NME7: variants seen among roughly 807,000 people sequenced by gnomAD.
The protein encoded by NME7 is nucleoside diphosphate kinase 7.
A neutral mutation model predicts 49.1 loss-of-function variants in NME7; 41 were observed. The ratio of observed to expected loss-of-function variants is 0.83; its 90% CI spans 0.65 to 1.08. The LOEUF (loss-of-function observed/expected upper bound fraction) is 1.08. Among genes scored for constraint, NME7 ranks in the 50% least tolerant of loss-of-function variants. The pLI, the probability that NME7 is intolerant of heterozygous loss-of-function variation, is 0.00. For synonymous variants in NME7, 139 were observed against 150.6 expected, an observed-to-expected ratio of 0.92 and a Z score of 0.56; for missense variants, 423 against 463.4, an observed-to-expected ratio of 0.91 and a Z score of 0.80.
intron 7 of NME7, among the ~76,000 whole-genome samples, chr1:169,239,976 A>T (rs1426890812): frequency 1.3e-5 from 2 of 151,994 alleles, no homozygotes; most frequent in Non-Finnish European, 2.9e-5. Flanking sequence ...AGAAGTTCTC[A>T]AACATTTTGG....
chr1:169,289,229 T>C (rs1650400097), intron 6 of NME7, among the ~76,000 whole-genome samples: 1 of 152,140 alleles, frequency 6.6e-6, no homozygotes, highest in Non-Finnish European at 1.5e-5. Context: ...CTTTCATTAC[T>C]TGCCTTTCTT....
At chr1:169,276,939 T>C (rs34581963) in intron 7 of NME7, among the ~76,000 whole-genome samples, 37,107 of 143,172 alleles carry the variant, frequency 0.26, 6,319 homozygotes, top group Non-Finnish European at 0.36. Context: ...CTTCATTTCG[T>C]TATGTACCCA....
chr1:169,148,918 C>T (rs1489454894), intron 11 of NME7, among the ~76,000 whole-genome samples: 1 of 152,200 alleles, frequency 6.6e-6, no homozygotes, highest in African/African-American at 2.4e-5. Context: ...GGCATCTTTT[C>T]TCAGTTTTCT....
At chr1:169,320,402 G>T (rs1440646455) in intron 3 of NME7, among the ~76,000 whole-genome samples, 1 of 152,218 alleles carries the variant, frequency 6.6e-6, no homozygotes, top group Middle Eastern at 3.4e-3. Flanking sequence ...TAGCTGATAG[G>T]CTCCATGGGG....
At chr1:169,169,239 G>A (rs1047454964) in intron 11 of NME7, among the ~76,000 whole-genome samples, 6 of 152,058 alleles carry the variant, frequency 3.9e-5, no homozygotes, top group Non-Finnish European at 8.8e-5. Flanking sequence ...ATAACATTAG[G>A]AGAAATACCT....
intron 1 of NME7, among the ~76,000 whole-genome samples, chr1:169,341,721 G>A (rs542845033): frequency 1.1e-4 from 17 of 152,282 alleles, no homozygotes; most frequent in Admixed American, 9.2e-4. Context: ...CATGCCCTGG[G>A]TGTGAGACAT....
intron 10 of NME7, among the ~76,000 whole-genome samples, chr1:169,225,059 A>T (rs748774910): frequency 9.2e-5 from 14 of 152,214 alleles, no homozygotes; most frequent in Non-Finnish European, 1.3e-4. Context: ...AGAAGAAAGA[A>T]GAAAGACACT....
chr1:169,260,651 T>C lies in NME7; in HGVS notation c.755-22964A>G, dbSNP rs1287490218. 3.0e-5 allele frequency among the ~76,000 whole-genome samples: 4 copies of C among 132,334 alleles called. 2 individuals carry two copies. Among genetic ancestry groups the C allele is most frequent in the Non-Finnish European group, 7.1e-5 (4 of 56,486 alleles). The allele number at this position is 132,334 out of a possible 152,430, so 86.8% of individuals were successfully genotyped here. ...GGAAACTCTTGTCTTCCTTTTGTCA[T>C]TGTGCAATTACGCAGATGTTTAATC... On this transcript the variant is annotated intron_variant, in intron 7 of 11. Transcript: ENST00000367811.
At chr1:169,138,188 G>A (rs1342285833) in intron 11 of NME7, among the ~76,000 whole-genome samples, 1 of 152,130 alleles carries the variant, frequency 6.6e-6, no homozygotes, top group Admixed American at 6.5e-5. Flanking sequence ...CTGCATGCTT[G>A]TAATCCCAGC....
intron 10 of NME7, among the ~76,000 whole-genome samples, chr1:169,183,890 T>A (rs1185877852): frequency 6.6e-6 from 1 of 152,184 alleles, no homozygotes; most frequent in African/African-American, 2.4e-5. Flanking sequence ...AATCAGAATA[T>A]GCCATTTCTT....
At chr1:169,351,364 G>C (rs907190198) in intron 1 of NME7, among the ~76,000 whole-genome samples, 1 of 151,588 alleles carries the variant, frequency 6.6e-6, no homozygotes, top group Non-Finnish European at 1.5e-5. Context: ...TGATACAAAC[G>C]ATAAAGGAAA....
chr1:169,200,461 C>T (rs1243744591), intron 10 of NME7, among the ~76,000 whole-genome samples: 1 of 152,038 alleles, frequency 6.6e-6, no homozygotes, highest in African/African-American at 2.4e-5. Context: ...GCCTTATTGA[C>T]CCTGAGGAGA....
intron 7 of NME7, among the ~76,000 whole-genome samples, chr1:169,253,169 C>T (rs1429185728): frequency 8.6e-5 from 13 of 151,474 alleles, no homozygotes; most frequent in Non-Finnish European, 1.2e-4. Context: ...GCCATTTTCA[C>T]GATATTGATT....
intron 1 of NME7, among the ~76,000 whole-genome samples, chr1:169,326,300 T>A (rs1182085445): frequency 6.6e-6 from 1 of 152,156 alleles, no homozygotes; most frequent in Non-Finnish European, 1.5e-5. Context: ...CTTCTGGCTA[T>A]GACAAAGTAG....
At position 169,179,914 on chromosome 1, in the gene NME7, C is replaced by T. The variant is rs559904417; in HGVS notation, c.991-10360G>A. 9.4e-5 allele frequency among the ~76,000 whole-genome samples: 14 copies of T among 149,702 alleles called. 1 individual carries two copies. In the South Asian group the frequency reaches 2.3e-3, roughly 25 times the overall value. On this transcript the variant is annotated intron_variant, in intron 10 of 11. Transcript: ENST00000367811. ...GGATGATCTGTGCAGCAAACCACCA[C>T]GGAACACATTTACCCATGTAACATG...
intron 3 of NME7, among the ~76,000 whole-genome samples, chr1:169,317,576 G>A (rs144591698): frequency 1.3e-5 from 2 of 152,182 alleles, no homozygotes; most frequent in African/African-American, 2.4e-5. Context: ...AGGCATTAGG[G>A]TGCCCTTCTG....
In NME7 at chr1:169,179,931, T is replaced by A. The variant is rs147363361; in HGVS notation, c.991-10377A>T. On this transcript the variant is annotated intron_variant, in intron 10 of 11. Transcript: ENST00000367811. ...AACCACCACGGAACACATTTACCCA[T>A]GTAACATGAACATTTACCCCTGAAC... is the stretch of plus-strand genomic sequence containing the variant. Among the ~76,000 whole-genome samples, 6 of 148,110 alleles carry A rather than the reference T, an allele frequency of 4.1e-5. No individual in the cohort carries two copies. The South Asian group carries it at 1.3e-3, about 31-fold the overall frequency.
chr1:169,301,578 C>T (rs967253629), intron 5 of NME7, among the ~76,000 whole-genome samples: 1 of 151,968 alleles, frequency 6.6e-6, no homozygotes. Context: ...TGGGTATATA[C>T]CCAAAAGAAA....
At chr1:169,236,724 T>TG (rs1312199088) in intron 8 of NME7, among the ~76,000 whole-genome samples, 1 of 151,478 alleles carries the variant, frequency 6.6e-6, no homozygotes. Flanking sequence ...TATTTCCCTT[T>TG]TTTTTTTTTC....
Sources: gnomAD v4.1 joint callset for allele counts (sites outside exome capture counted in the v4.1 genomes callset) on GRCh38, gnomAD v4.1.1 for gene constraint, MANE v1.5 for transcripts, NCBI Gene and HGNC (gene_info 2026-07-23, HGNC 2026-07-21) for gene names.